ADAMTS17: variants seen among roughly 807,000 people sequenced by gnomAD.
ADAMTS17 encodes the protein ADAM metallopeptidase with thrombospondin type 1 motif 17.
ADAMTS17 carries 113 observed loss-of-function variants against 141.5 expected under a neutral mutation model. The observed-to-expected ratio is 0.80, with a 90% CI of 0.69 to 0.93. The LOEUF (loss-of-function observed/expected upper bound fraction) is 0.93. Ranked by LOEUF, ADAMTS17 falls within the 40% of genes least tolerant of loss-of-function variation. The pLI is 0.00. For missense variants in ADAMTS17, 1,659 were observed against 1,517.9 expected (o/e 1.09, Z -1.54); for synonymous variants, 768 against 630.6 (o/e 1.22, Z -3.27).
intron 15 of ADAMTS17, among the ~76,000 whole-genome samples, chr15:100,055,449 CG>C: frequency 1.3e-5 from 2 of 152,296 alleles, no homozygotes; most frequent in South Asian, 4.2e-4. Flanking sequence ...TGCTCGCTCC[CG>C]GCAAACACAC....
intron 18 of ADAMTS17, among the ~76,000 whole-genome samples, chr15:99,999,609 C>T (rs1199197894): frequency 2.6e-5 from 4 of 152,118 alleles, no homozygotes; most frequent in African/African-American, 9.7e-5. Context: ...GCCTGGCTGG[C>T]CCTGGTGGCT....
chr15:100,325,859 A>G lies in ADAMTS17; in HGVS notation c.616+5030T>C, dbSNP rs144596778. On this transcript the variant is annotated intron_variant, in intron 3 of 21. Coordinates refer to ENST00000268070, the MANE Select transcript of ADAMTS17 (RefSeq NM_139057.4). The stretch of plus-strand genomic sequence containing the variant: ...CAGGCAACACAAATCGACTAACACA[A>G]TAGCCATCTGCAAGCCAAGGAGAGA... Among the ~76,000 whole-genome samples the G allele has an allele frequency of 5.3e-3, 809 of 152,314 alleles. 11 individuals are homozygous for G. Among genetic ancestry groups the G allele is most frequent in the Admixed American group, 0.012 (190 of 15,302 alleles).
In ADAMTS17 at chr15:100,098,806, G is replaced by T. The variant is rs566530430; in HGVS notation, c.2017-2330C>A. ...GTTTCACTTCAGAGCTCCAGTGCAT[G>T]GTCTCCAGACTTGCTTCTGCTGGGG... is the stretch of plus-strand genomic sequence containing the variant. On this transcript the variant is annotated intron_variant, in intron 14 of 21. Transcript: ENST00000268070. Among the ~76,000 whole-genome samples the T allele has an allele frequency of 3.1e-4, 47 of 152,316 alleles. 1 individual carries two copies. Among genetic ancestry groups the T allele is most frequent in the African/African-American group, 1.1e-3 (45 of 41,576 alleles).
In ADAMTS17 at chr15:100,069,261, T is replaced by G. The variant is rs562010632; in HGVS notation, c.2138-15207A>C. On this transcript the variant is annotated intron_variant, in intron 15 of 21. Coordinates refer to ENST00000268070, the MANE Select transcript of ADAMTS17 (RefSeq NM_139057.4). ...GACTATGTGAAAAGACCAAATCTAC[T>G]TCTGATTGGTGTACCTGAAAGTGAC... 5.3e-3 allele frequency among the ~76,000 whole-genome samples: 793 copies of G among 150,942 alleles called. 5 individuals are homozygous for G. The highest frequency in any genetic ancestry group is 8.4e-3 in the Non-Finnish European group (573 of 67,872).
chr15:99,976,996 A>G lies in ADAMTS17; in HGVS notation c.2950-774T>C, dbSNP rs547127158. 6.6e-5 allele frequency among the ~76,000 whole-genome samples: 10 copies of G among 152,248 alleles called. No individual in the cohort carries two copies. In the South Asian group the frequency reaches 2.1e-3, roughly 32 times the overall value. Reference sequence around the variant, plus strand: ...GAAGGACCGGGCCTGATGACCACAGAGGTCTCCCAAGCACTGTCTGCTGCC... The same window carrying G: ...GAAGGACCGGGCCTGATGACCACAGGGGTCTCCCAAGCACTGTCTGCTGCC... On this transcript the variant is annotated intron_variant, in intron 20 of 21. Transcript: ENST00000268070.
At chr15:100,151,049 C>T (rs534962465) in intron 10 of ADAMTS17, among the ~76,000 whole-genome samples, 84 of 152,308 alleles carry the variant, frequency 5.5e-4, no homozygotes, top group African/African-American at 1.8e-3. Context: ...GTTTGGGCAC[C>T]GCTGCAGGAT....
rs545150136 is a variant in ADAMTS17 at position 100,106,713 on chromosome 15, T to C, written c.2016+2276A>G. On this transcript the variant is annotated intron_variant, in intron 14 of 21. Coordinates refer to ENST00000268070, the MANE Select transcript of ADAMTS17 (RefSeq NM_139057.4). ...GCTGCTCTAAAGGGTGTAAGAACTC[T>C]AACTTGGGAGGAACGTTAAGTCGTT... is the stretch of plus-strand genomic sequence containing the variant. 5.3e-5 allele frequency among the ~76,000 whole-genome samples: 8 copies of C among 152,360 alleles called. No individual in the cohort carries two copies. The East Asian group carries it at 1.5e-3, about 29-fold the overall frequency.
At chr15:100,230,665 T>G (rs981993112) in intron 7 of ADAMTS17, among the ~76,000 whole-genome samples, 2 of 152,218 alleles carry the variant, frequency 1.3e-5, no homozygotes. Context: ...TTTTTCGGGT[T>G]TGATCACTCA....
chr15:100,011,560 C>A (rs965160979), intron 18 of ADAMTS17, among the ~76,000 whole-genome samples: 4 of 152,038 alleles, frequency 2.6e-5, no homozygotes, highest in African/African-American at 9.7e-5. Flanking sequence ...AGTTATTATA[C>A]CAGCTAAGCC....
rs149304417 is a variant in ADAMTS17 at position 100,286,386 on chromosome 15, C to T, written c.617-4985G>A. On this transcript the variant is annotated intron_variant, in intron 3 of 21. Coordinates refer to ENST00000268070, the MANE Select transcript of ADAMTS17 (RefSeq NM_139057.4). ...TATGAGCAAGCACAGATCCCACTTC[C>T]ACCGCTCCTATGAAGTACTGTGGCC... Among the ~76,000 whole-genome samples, 62 of 152,278 alleles carry T rather than the reference C, an allele frequency of 4.1e-4. 1 individual carries two copies. The highest frequency in any genetic ancestry group is 3.4e-3 in the Middle Eastern group (1 of 294).
intron 8 of ADAMTS17, among the ~76,000 whole-genome samples, chr15:100,183,177 C>T (rs973110767): frequency 2.0e-5 from 3 of 152,016 alleles, no homozygotes; most frequent in Non-Finnish European, 4.4e-5. Flanking sequence ...TTAGTAAAGA[C>T]GGGGTTCTTC....
chr15:99,986,327 G>A (rs1230128667), intron 20 of ADAMTS17, among the ~76,000 whole-genome samples: 1 of 152,230 alleles, frequency 6.6e-6, no homozygotes, highest in African/African-American at 2.4e-5. Flanking sequence ...GCATCTAACA[G>A]CTGGGTTTCT....
At chr15:100,055,940 T>G (rs1280286773) in intron 15 of ADAMTS17, among the ~76,000 whole-genome samples, 1 of 152,342 alleles carries the variant, frequency 6.6e-6, no homozygotes, top group East Asian at 1.9e-4. Flanking sequence ...AGTGGAGACC[T>G]GAATCCAACA....
rs1205691358 is a variant in ADAMTS17 at position 100,341,809 on chromosome 15, A to C, written c.79+12T>G. 6.5e-7 allele frequency: 1 copy of C among 1,550,002 alleles called. No individual in the cohort carries two copies. The highest frequency in any genetic ancestry group is 1.4e-5 in the African/African-American group (1 of 73,056). The stretch of plus-strand genomic sequence containing the variant: ...GACGCGGGGTGAAGAGGGCTGTGGG[A>C]GGGGGCGCTACCTGTGCCCGGGTCC... On this transcript the variant is annotated intron_variant, in intron 1 of 21. Transcript: ENST00000268070.
chr15:100,298,093 T>C (rs2141794240), intron 3 of ADAMTS17, among the ~76,000 whole-genome samples: 1 of 151,752 alleles, frequency 6.6e-6, no homozygotes, highest in Non-Finnish European at 1.5e-5. Flanking sequence ...AAAACCAGAC[T>C]AGAGAGGGTT....
chr15:100,051,002 C>G (rs963914226), intron 17 of ADAMTS17, among the ~76,000 whole-genome samples: 1 of 152,200 alleles, frequency 6.6e-6, no homozygotes, highest in Non-Finnish European at 1.5e-5. Context: ...GTGGACCCTG[C>G]AGTGTGCATG....
At chr15:100,155,468 G>A (rs2039390588) in intron 8 of ADAMTS17, 148 bp from the exon 9 acceptor site, 3 of 1,120,636 alleles carry the variant, frequency 2.7e-6, no homozygotes, top group East Asian at 2.6e-5. Context: ...CAGACCCACA[G>A]TCATGTGTTT....
intron 12 of ADAMTS17, among the ~76,000 whole-genome samples, chr15:100,117,780 T>C (rs917114305): frequency 2.0e-5 from 3 of 152,200 alleles, no homozygotes; most frequent in African/African-American, 7.2e-5. Context: ...TTCCATTCGT[T>C]TCCATGATGC....
chr15:100,267,943 T>C (rs867521057), intron 4 of ADAMTS17, among the ~76,000 whole-genome samples: 3 of 152,264 alleles, frequency 2.0e-5, no homozygotes, highest in Non-Finnish European at 4.4e-5. Flanking sequence ...CCTGTTGTGC[T>C]ATCAAATACT....
Sources: gnomAD v4.1 joint callset for allele counts (sites outside exome capture counted in the v4.1 genomes callset) on GRCh38, gnomAD v4.1.1 for gene constraint, MANE v1.5 for transcripts, NCBI Gene and HGNC (gene_info 2026-07-23, HGNC 2026-07-21) for gene names.